Variants in LRRTM4 observed in about 807,000 individuals in gnomAD.
The protein encoded by LRRTM4 is leucine rich repeat transmembrane neuronal 4.
LRRTM4 carries 25 observed loss-of-function variants against 47.6 expected under a neutral mutation model. The ratio of observed to expected loss-of-function variants is 0.53; its 90% CI spans 0.38 to 0.73. The LOEUF is 0.73. LRRTM4 is among the 30% of genes least tolerant of loss of function. The pLI, the probability that LRRTM4 is intolerant of heterozygous loss-of-function variation, is 0.00. For missense variants in LRRTM4, 638 were observed against 713.4 expected, an observed-to-expected ratio of 0.89 and a Z score of 1.20; for synonymous variants, 311 against 269.5, an observed-to-expected ratio of 1.15 and a Z score of -1.51.
At chr2:77,069,182 G>T (rs1156641851) in intron 3 of LRRTM4, among the ~76,000 whole-genome samples, 1 of 152,140 alleles carries the variant, frequency 6.6e-6, no homozygotes, top group African/African-American at 2.4e-5. Flanking sequence ...TTCTGTGTGT[G>T]TGTCTTTAAT....
intron 3 of LRRTM4, among the ~76,000 whole-genome samples, chr2:76,945,266 T>C (rs2103872537): frequency 6.6e-6 from 1 of 152,218 alleles, no homozygotes; most frequent in African/African-American, 2.4e-5. Context: ...CTAGCGTGCC[T>C]AAATGACACT....
At chr2:77,343,038 T>G (rs1041362233) in intron 3 of LRRTM4, among the ~76,000 whole-genome samples, 1 of 151,990 alleles carries the variant, frequency 6.6e-6, no homozygotes, top group African/African-American at 2.4e-5. Flanking sequence ...TAAGACAGTT[T>G]GAAGTTGGTA....
intron 3 of LRRTM4, among the ~76,000 whole-genome samples, chr2:77,329,428 C>T (rs1195926607): frequency 1.3e-5 from 2 of 152,016 alleles, no homozygotes; most frequent in Admixed American, 6.6e-5. Context: ...ACCATGAACA[C>T]GTTGGAAACA....
intron 3 of LRRTM4, among the ~76,000 whole-genome samples, chr2:76,791,875 A>G (rs1674993992): frequency 1.3e-5 from 2 of 152,204 alleles, no homozygotes; most frequent in Non-Finnish European, 2.9e-5. Flanking sequence ...TAGACTTTCA[A>G]ACCCCAGAGA....
chr2:77,354,998 T>C (rs1228429709), intron 3 of LRRTM4, among the ~76,000 whole-genome samples: 1 of 152,116 alleles, frequency 6.6e-6, no homozygotes, highest in Non-Finnish European at 1.5e-5. Context: ...AACTGCACAA[T>C]CGCTCATCAC....
rs1227723096 is a variant in LRRTM4, at chr2:77,519,407, T to C, written c.462A>G (p.Lys154=). 5 of 1,613,318 alleles carry C rather than the reference T, an allele frequency of 3.1e-6. No homozygotes were observed. The highest frequency in any genetic ancestry group is 3.4e-6 in the Non-Finnish European group (4 of 1,179,624). Residue 154 remains lysine (K), a synonymous_variant, in exon 3 of 4, where the codon AAA becomes AAG. Coordinates refer to ENST00000409884, the MANE Select transcript of LRRTM4 (RefSeq NM_001134745.3). The surrounding 1 kb of genome is among the most constrained non-coding windows in gnomAD (Gnocchi z 4.6). ...KLQTLQSEQF[K]GLRKLIILHL... ...GCAAAATGATGAGTTTCCGAAGGCC[T>C]TTAAATTGTTCAGATTGCAATGTCT...
intron 3 of LRRTM4, among the ~76,000 whole-genome samples, chr2:77,261,623 C>T (rs892995101): frequency 6.6e-6 from 1 of 151,736 alleles, no homozygotes; most frequent in Non-Finnish European, 1.5e-5. Flanking sequence ...CCTGGGGTCC[C>T]GGAAAAGGGT....
At chr2:76,822,449 A>G (rs1304455602) in intron 3 of LRRTM4, among the ~76,000 whole-genome samples, 1 of 151,374 alleles carries the variant, frequency 6.6e-6, no homozygotes, top group African/African-American at 2.4e-5. Flanking sequence ...TTTCCTAAAG[A>G]AAAAACTAGT....
chr2:77,120,804 C>T (rs549743801), intron 3 of LRRTM4, among the ~76,000 whole-genome samples: 10 of 151,908 alleles, frequency 6.6e-5, no homozygotes, highest in Non-Finnish European at 1.3e-4. Context: ...ATATTGCATT[C>T]ACTTCACTGA....
At chr2:77,011,068 G>T (rs931290595) in intron 3 of LRRTM4, among the ~76,000 whole-genome samples, 1 of 152,072 alleles carries the variant, frequency 6.6e-6, no homozygotes, top group Non-Finnish European at 1.5e-5. Context: ...TAGCCCACAA[G>T]AGCCGTATCT....
At chr2:76,998,872 A>G (rs1677306400) in intron 3 of LRRTM4, among the ~76,000 whole-genome samples, 1 of 151,840 alleles carries the variant, frequency 6.6e-6, no homozygotes, top group Non-Finnish European at 1.5e-5. Context: ...AACACTTTCA[A>G]ACTGAACTGC....
chr2:76,799,899 T>G (rs1189718946), intron 3 of LRRTM4, among the ~76,000 whole-genome samples: 1 of 150,256 alleles, frequency 6.7e-6, no homozygotes, highest in Admixed American at 6.6e-5. Context: ...TTACAAGGGA[T>G]GAGAAGGACC....
intron 3 of LRRTM4, among the ~76,000 whole-genome samples, chr2:76,837,971 G>GAT (rs1233165020): frequency 2.6e-5 from 4 of 151,782 alleles, no homozygotes; most frequent in Non-Finnish European, 5.9e-5. Context: ...AGCATTAGGA[G>GAT]ATATACCTAA....
chr2:77,474,597 A>G (rs998339224), intron 3 of LRRTM4, among the ~76,000 whole-genome samples: 22 of 152,118 alleles, frequency 1.4e-4, no homozygotes, highest in Admixed American at 1.4e-3. Flanking sequence ...AATAAGTGTT[A>G]TAGGAACTCT....
At chr2:77,130,398 T>C (rs1452840386) in intron 3 of LRRTM4, among the ~76,000 whole-genome samples, 2 of 152,120 alleles carry the variant, frequency 1.3e-5, no homozygotes, top group Non-Finnish European at 2.9e-5. Flanking sequence ...GACAGCTTTA[T>C]TTTCTTTACT....
intron 3 of LRRTM4, among the ~76,000 whole-genome samples, chr2:76,867,656 C>T (rs1359628190): frequency 6.6e-6 from 1 of 152,126 alleles, no homozygotes. Flanking sequence ...GCAATATACT[C>T]CATCACTGTG....
intron 3 of LRRTM4, among the ~76,000 whole-genome samples, chr2:76,966,435 TAC>T (rs1179627436): frequency 6.6e-6 from 1 of 151,478 alleles, no homozygotes; most frequent in African/African-American, 2.4e-5. Context: ...ACCTCATATT[TAC>T]AGTTTACTTA....
intron 3 of LRRTM4, among the ~76,000 whole-genome samples, chr2:77,479,974 C>G (rs1430565921): frequency 6.6e-6 from 1 of 152,102 alleles, no homozygotes; most frequent in Admixed American, 6.5e-5. Flanking sequence ...ATTTTCCTAT[C>G]TAGGATCTTA....
intron 3 of LRRTM4, among the ~76,000 whole-genome samples, chr2:77,064,054 T>C (rs1679876846): frequency 6.6e-6 from 1 of 152,198 alleles, no homozygotes; most frequent in Non-Finnish European, 1.5e-5. Flanking sequence ...AGCAAGAAAT[T>C]CTTATAAGTT....
Sources: allele counts gnomAD v4.1 joint callset (sites outside exome capture counted in the v4.1 genomes callset), GRCh38; gene constraint gnomAD v4.1.1; non-coding constraint Gnocchi (gnomAD v3.1); transcripts MANE v1.5; gene names NCBI Gene and HGNC (gene_info 2026-07-23, HGNC 2026-07-21).